The following DNAH6 variants were observed in gnomAD, a reference collection of about 807,000 sequenced individuals.
DNAH6 encodes the protein axonemal beta dynein heavy chain 6.
In DNAH6, 340 loss-of-function variants were observed where a neutral mutation model predicts 491.4. The ratio of observed to expected loss-of-function variants is 0.69; its 90% CI spans 0.63 to 0.76. The LOEUF (loss-of-function observed/expected upper bound fraction) is 0.76. Ranked by LOEUF, DNAH6 falls within the 30% of genes least tolerant of loss-of-function variation. DNAH6 has a pLI of 0.00. For synonymous variants in DNAH6, 1,603 were observed against 1,686.1 expected (o/e 0.95, Z 1.21); for missense variants, 4,443 against 4,972.2 (o/e 0.89, Z 3.20).
intron 64 of DNAH6, among the ~76,000 whole-genome samples, chr2:84,770,828 A>T (rs1675533445): frequency 6.6e-6 from 1 of 151,864 alleles, no homozygotes; most frequent in Non-Finnish European, 1.5e-5. Context: ...ACAAAAAATA[A>T]TAATAATAAT....
intron 76 of DNAH6, among the ~76,000 whole-genome samples, chr2:84,816,538 A>G (rs1680503848): frequency 6.6e-6 from 1 of 152,190 alleles, no homozygotes; most frequent in African/African-American, 2.4e-5. Context: ...AGCCTGACCA[A>G]CATAGTGAAA....
chr2:84,474,761 A>G, the DNAH6 span, among the ~76,000 whole-genome samples: 24 of 152,202 alleles, frequency 1.6e-4, no homozygotes, highest in African/African-American at 5.3e-4. Context: ...CTCCAGCAAT[A>G]AAAATGGATG....
Position 84,727,780 on chromosome 2 carries a change from CT to C in DNAH6, c.10089del (p.Phe3363LeufsTer16), listed in dbSNP as rs1474256689. 6.4e-7 allele frequency: 1 copy of C among 1,551,492 alleles called. No individual in the cohort carries two copies. The highest frequency in any genetic ancestry group is 2.0e-5 in the Admixed American group (1 of 51,010). On this transcript the variant is annotated frameshift_variant, in exon 61 of 77. Coordinates refer to ENST00000389394, the MANE Select transcript of DNAH6 (RefSeq NM_001370.2). LOFTEE classifies it high-confidence loss of function. ...TGCTTATGTCAATGTTTCAAGAGGA[CT>C]TTTTGAGCAACATAAACTCATCTAC... is the stretch of plus-strand genomic sequence containing the variant. Reference protein sequence around the residue: ...LTAYVNVSRGLFEQHKLIYSF... With the variant: ...LTAYVNVSRGXFEQHKLIYSF...
chr2:84,659,222 T>C, intron 37 of DNAH6, 53 bp downstream of exon 37: 1 of 1,060,076 alleles, frequency 9.4e-7, no homozygotes, highest in Non-Finnish European at 1.3e-6. Context: ...TTATTTAAAT[T>C]TTAAGATTAA....
At chr2:84,593,603 A>G (rs796881717) in intron 16 of DNAH6, among the ~76,000 whole-genome samples, 23 of 152,320 alleles carry the variant, frequency 1.5e-4, no homozygotes, top group Admixed American at 8.5e-4. Context: ...CAGAAGCCCA[A>G]TGGAAATCAG....
the DNAH6 span, among the ~76,000 whole-genome samples, chr2:84,485,183 C>G: frequency 1.3e-5 from 2 of 152,112 alleles, no homozygotes; most frequent in African/African-American, 4.8e-5. Context: ...GAATTTATGC[C>G]ATGACAGTGA....
At chr2:84,780,497 T>C (rs373226709) in intron 64 of DNAH6, among the ~76,000 whole-genome samples, 148 of 152,306 alleles carry the variant, frequency 9.7e-4, no homozygotes, top group African/African-American at 3.4e-3. Context: ...CAGTTTTGTT[T>C]TTTCTTCATA....
rs1026325487 is a variant in DNAH6 at position 84,516,500 on chromosome 2, T to A, written c.-92T>A. The A allele has an allele frequency of 2.0e-5, 3 of 152,170 alleles. No individual in the cohort carries two copies. Among genetic ancestry groups the A allele is most frequent in the African/African-American group, 7.2e-5 (3 of 41,422 alleles). 9.4% of individuals were successfully genotyped at this position (152,170 alleles called of 1,614,324 possible). A position where few individuals can be genotyped will look rare whatever the true frequency, so the allele number is the denominator to read the frequency against. ...GTTGCTACGCAGCAACAGGAAACAT[T>A]CCGCGCTACCGAGTACTTTCTACTC... On this transcript the variant is annotated 5_prime_UTR_variant, in exon 1 of 77. Transcript: ENST00000389394.
At chr2:84,792,535 C>G (rs558025381) in intron 68 of DNAH6, among the ~76,000 whole-genome samples, 7 of 152,056 alleles carry the variant, frequency 4.6e-5, no homozygotes, top group Non-Finnish European at 7.4e-5. Context: ...TTTTTGGATA[C>G]CAATTATACC....
Position 84,727,783 on chromosome 2 carries a change from T to A in DNAH6, c.10087T>A (p.Phe3363Ile), listed in dbSNP as rs1185570856. Reference sequence around the variant, plus strand: ...TTATGTCAATGTTTCAAGAGGACTTTTTGAGCAACATAAACTCATCTACAG... The same window carrying A: ...TTATGTCAATGTTTCAAGAGGACTTATTGAGCAACATAAACTCATCTACAG... Reference protein sequence around the residue: ...TAYVNVSRGLFEQHKLIYSFM... With the variant: ...TAYVNVSRGLIEQHKLIYSFM... The change falls in exon 61 of 77, where the codon TTT (phenylalanine) becomes ATT (isoleucine). Residue 3363 changes from phenylalanine (F) to isoleucine (I), a missense_variant. This residue lies in a region of DNAH6 where 1,463 missense variants were observed against 1,656.6 expected (regional missense o/e 0.88). Coordinates refer to ENST00000389394, the MANE Select transcript of DNAH6 (RefSeq NM_001370.2). The A allele has an allele frequency of 6.4e-7, 1 of 1,551,694 alleles. No individual in the cohort carries two copies. The highest frequency in any genetic ancestry group is 1.2e-5 in the South Asian group (1 of 84,048).
chr2:84,679,322 G>A (rs79346858), intron 41 of DNAH6, among the ~76,000 whole-genome samples: 71 of 152,240 alleles, frequency 4.7e-4, no homozygotes, highest in Non-Finnish European at 7.9e-4. Flanking sequence ...GATTTGCACC[G>A]TTGGAATATG....
intron 22 of DNAH6, among the ~76,000 whole-genome samples, chr2:84,616,509 TC>T (rs374835459): frequency 7.2e-4 from 109 of 152,244 alleles, no homozygotes; most frequent in African/African-American, 2.5e-3. Context: ...GAATAGCTAC[TC>T]CTGCCCACTT....
intron 61 of DNAH6, among the ~76,000 whole-genome samples, chr2:84,730,976 G>A (rs1390401648): frequency 3.3e-5 from 5 of 152,182 alleles, no homozygotes; most frequent in African/African-American, 1.2e-4. Context: ...GACAGTGTGA[G>A]GATCTTCGCA....
In DNAH6 at chr2:84,518,040, C is replaced by T; in HGVS notation, c.214C>T (p.Leu72=). The T allele has an allele frequency of 6.5e-7, 1 of 1,545,908 alleles. No homozygotes were observed. The highest frequency in any genetic ancestry group is 1.7e-4 in the Middle Eastern group (1 of 5,958). ...AAGAAAACGACAGCAGCCTATAAAA[C>T]TAGAGCCTTTGGTAAGTTCAAAAAC... ...KTRKRQQPIK[L]EPLPVLKVYQ... Residue 72 remains leucine, a synonymous_variant, in exon 2 of 77, where the codon CTA becomes TTA. Transcript: ENST00000389394.
At chr2:84,474,498 T>G in the DNAH6 span, among the ~76,000 whole-genome samples, 1 of 152,206 alleles carries the variant, frequency 6.6e-6, no homozygotes, top group Admixed American at 6.5e-5. Flanking sequence ...CTAAAGGTTC[T>G]GATTGGCCAT....
chr2:84,597,516 A>T (rs954062909), intron 18 of DNAH6, among the ~76,000 whole-genome samples: 2 of 152,218 alleles, frequency 1.3e-5, no homozygotes, highest in Non-Finnish European at 2.9e-5. Flanking sequence ...GTAGGATCGT[A>T]AGGTTGTGCA....
chr2:84,549,041 A>G (rs1679071385), intron 8 of DNAH6, among the ~76,000 whole-genome samples: 1 of 152,172 alleles, frequency 6.6e-6, no homozygotes, highest in Non-Finnish European at 1.5e-5. Flanking sequence ...AGCCAGAGAG[A>G]GAAATATCCC....
At chr2:84,607,224 T>C (rs1182029689) in intron 21 of DNAH6, 129 bp downstream of exon 21, 1 of 970,716 alleles carries the variant, frequency 1.0e-6, no homozygotes, top group East Asian at 2.7e-5. Context: ...GGACATGTTA[T>C]TGTGTTTAGA....
upstream of DNAH6, among the ~76,000 whole-genome samples, chr2:84,513,243 A>T (rs941692459): frequency 6.6e-6 from 1 of 152,080 alleles, no homozygotes; most frequent in Admixed American, 6.5e-5. Flanking sequence ...TTTGGTTGAA[A>T]ATTGGATATT....
Sources: gnomAD v4.1 joint callset for allele counts (sites outside exome capture counted in the v4.1 genomes callset) on GRCh38, gnomAD v4.1.1 for gene constraint, gnomAD v4.1.1 regional missense constraint, MANE v1.5 for transcripts, NCBI Gene and HGNC (gene_info 2026-07-23, HGNC 2026-07-21) for gene names.